FRY: variants seen among roughly 807,000 people sequenced by gnomAD.
FRY encodes protein furry homolog.
Under a neutral mutation model 348.4 loss-of-function variants are expected in FRY, and 128 were observed. The observed-to-expected ratio is 0.37, with a 90% CI of 0.32 to 0.43. FRY has a LOEUF of 0.43. Ranked by LOEUF, FRY falls within the 20% of genes least tolerant of loss-of-function variation. The probability of loss-of-function intolerance (pLI) is 1.00; values close to 1 mark genes in which losing one functional copy is unlikely to be tolerated. For synonymous variants in FRY, 1,370 were observed against 1,374.7 expected (o/e 1.00, Z 0.08); for missense variants, 2,736 against 3,695.2 (o/e 0.74, Z 6.73).
At chr13:32,289,888 T>A (rs897190197) in intron 59 of FRY, 145 bp downstream of exon 59, 21 of 685,820 alleles carry the variant, frequency 3.1e-5, no homozygotes, top group Non-Finnish European at 5.4e-5. Flanking sequence ...AATAAACATG[T>A]CTTGTATGTA....
intron 10 of FRY, 149 bp downstream of exon 10, chr13:32,135,332 C>A: frequency 3.0e-6 from 2 of 671,966 alleles, no homozygotes; most frequent in South Asian, 3.3e-5. Flanking sequence ...GAAACTGAAG[C>A]TGGCTTTTTG....
intron 1 of FRY, among the ~76,000 whole-genome samples, chr13:32,059,458 CAAAAA>C (rs10692049): frequency 9.0e-6 from 1 of 111,422 alleles, no homozygotes; most frequent in African/African-American, 3.2e-5. Flanking sequence ...ACTTAGGAAG[CAAAAA>C]AAAAAAAAAA....
At chr13:32,223,769 C>T (rs1885437873) in intron 36 of FRY, among the ~76,000 whole-genome samples, 4 of 152,076 alleles carry the variant, frequency 2.6e-5, no homozygotes, top group Admixed American at 2.6e-4. Context: ...CACTCTGTCG[C>T]CCAGACTGGA....
intron 5 of FRY, 96 bp from the exon 6 acceptor site, chr13:32,124,506 G>A (rs915893354): frequency 3.5e-6 from 3 of 849,026 alleles, no homozygotes; most frequent in Admixed American, 3.9e-5. Flanking sequence ...TATGTTTATT[G>A]ATTGCTATTG....
At chr13:32,174,963 A>G (rs1392382302) in intron 19 of FRY, among the ~76,000 whole-genome samples, 1 of 152,154 alleles carries the variant, frequency 6.6e-6, no homozygotes, top group East Asian at 1.9e-4. Flanking sequence ...AAATGAATCC[A>G]TTCATTTATG....
intron 39 of FRY, among the ~76,000 whole-genome samples, chr13:32,228,187 T>A (rs1885700263): frequency 6.6e-6 from 1 of 152,184 alleles, no homozygotes; most frequent in Admixed American, 6.5e-5. Flanking sequence ...CTTCCTTTTA[T>A]AGAAAGTATC....
chr13:32,061,028 C>G, intron 1 of FRY: 2 of 504,758 alleles, frequency 4.0e-6, no homozygotes, highest in Non-Finnish European at 8.2e-6. Context: ...TGGAGCCCAT[C>G]ATTATGTGTT....
At chr13:32,134,039 A>G (rs772320650) in intron 8 of FRY, among the ~76,000 whole-genome samples, 4 of 152,138 alleles carry the variant, frequency 2.6e-5, no homozygotes, top group Non-Finnish European at 5.9e-5. Flanking sequence ...TTGGCCTCCC[A>G]AAGTGTCAGG....
At chr13:32,234,787 C>CATCCTTCACGAGCTCA in intron 42 of FRY, 26 bp downstream of exon 42, 2 of 1,581,186 alleles carry the variant, frequency 1.3e-6, no homozygotes, top group Non-Finnish European at 1.7e-6. Flanking sequence ...CCACTGAGCT[C>CATCCTTCACGAGCTCA]GTGAAGGATG....
chr13:32,131,935 T>A, intron 8 of FRY, 95 bp downstream of exon 8: 1 of 941,060 alleles, frequency 1.1e-6, no homozygotes. Context: ...CAATTACTTG[T>A]CAATACGGAG....
At chr13:32,243,288 T>A (rs1472388431) in intron 46 of FRY, among the ~76,000 whole-genome samples, 1 of 152,060 alleles carries the variant, frequency 6.6e-6, no homozygotes, top group Admixed American at 6.5e-5. Flanking sequence ...CAGTTTGCTG[T>A]TAACTTATAT....
In FRY at chr13:32,252,004, T is replaced by C. The variant is rs1887108641; in HGVS notation, c.7245+52T>C. The C allele has an allele frequency of 7.4e-6, 9 of 1,213,056 alleles. No individual in the cohort carries two copies. In the Admixed American group the frequency reaches 1.0e-4, roughly 14 times the overall value. The allele number at this position is 1,213,056 out of a possible 1,614,324, so 75.1% of individuals were successfully genotyped here. ...TTTTGGTGTCATATCTCCTTTTTCA[T>C]TGGTCTGTTTTTGCCTTTGGTCATA... On this transcript the variant is annotated intron_variant, in intron 50 of 60. Coordinates refer to ENST00000542859, the MANE Select transcript of FRY (RefSeq NM_023037.3).
Position 32,212,355 on chromosome 13 carries a change from A to T in FRY, c.4655A>T (p.Asn1552Ile), listed in dbSNP as rs1362185843. 1 of 1,606,512 alleles carries T rather than the reference A, an allele frequency of 6.2e-7. No individual in the cohort carries two copies. The highest frequency in any genetic ancestry group is 2.2e-5 in the East Asian group (1 of 44,690). Residue 1552 changes from asparagine (N) to isoleucine (I), a missense_variant, in exon 35 of 61, where the codon AAC becomes ATC. Physicochemically the swap from Asn to Ile is moderately radical, Grantham distance 149 (BLOSUM62 -3). Around this residue, in one of 9 missense-constraint regions of FRY, gnomAD observed 794 missense variants for 977.0 expected, o/e 0.81. Transcript: ENST00000542859. ...GQENFPDAEE[N>I]KILKESDERF... ...GAAAATTTCCCAGATGCTGAGGAGA[A>T]CAAGATATTGAAAGAATCTGATGAA...
At chr13:32,274,507 A>G (rs4942389) in intron 55 of FRY, among the ~76,000 whole-genome samples, 35,141 of 151,746 alleles carry the variant, frequency 0.23, 4,948 homozygotes, top group Non-Finnish European at 0.32. Context: ...GATCGAGACC[A>G]TCCTGGCTAA....
At chr13:32,039,137 C>G (rs937781802) in intron 1 of FRY, among the ~76,000 whole-genome samples, 1 of 152,160 alleles carries the variant, frequency 6.6e-6, no homozygotes, top group Non-Finnish European at 1.5e-5. Context: ...TTTGTACTTT[C>G]ACTACATCAG....
chr13:32,278,608 G>T, intron 58 of FRY, 60 bp downstream of exon 58: 1 of 929,788 alleles, frequency 1.1e-6, no homozygotes, highest in Non-Finnish European at 1.8e-6. Flanking sequence ...ATTAGTTTTG[G>T]TCTACCCAAG....
rs1166238002 is a variant in FRY, at chr13:32,134,957, G to A, written c.939G>A (p.Leu313=). 21 of 1,613,278 alleles carry A rather than the reference G, an allele frequency of 1.3e-5. No homozygotes were observed. Among genetic ancestry groups the A allele is most frequent in the Non-Finnish European group, 1.7e-5 (20 of 1,179,360 alleles). Residue 313 remains leucine, a synonymous_variant, in exon 9 of 61, where the codon TTG becomes TTA. Transcript: ENST00000542859. The part of the protein sequence containing the change: ...EVKDKDIKHA[L]AGLFVEILVP... ...AAGACAAAGATATCAAGCATGCCTT[G>A]GCTGGGCTTTTTGTTGAAATACTTG...
At position 32,071,453 on chromosome 13, in the gene FRY, G is replaced by A. The variant is rs192065851; in HGVS notation, c.71-7381G>A. Among the ~76,000 whole-genome samples the A allele has an allele frequency of 1.4e-3, 215 of 152,192 alleles. 2 individuals are homozygous for A. Among genetic ancestry groups the A allele is most frequent in the African/African-American group, 4.9e-3 (204 of 41,536 alleles). On this transcript the variant is annotated intron_variant, in intron 1 of 60. Coordinates refer to ENST00000542859, the MANE Select transcript of FRY (RefSeq NM_023037.3). ...CATCCCTTGTAAGTTGGATTCCTAG[G>A]TATTTTATTCTCTTTGTAGCAATTG...
At chr13:32,053,124 A>T (rs1400100441) in intron 1 of FRY, among the ~76,000 whole-genome samples, 1 of 152,166 alleles carries the variant, frequency 6.6e-6, no homozygotes, top group Non-Finnish European at 1.5e-5. Flanking sequence ...AAAAAAAAAA[A>T]ATTAAGTTCC....
Sources: allele counts gnomAD v4.1 joint callset (sites outside exome capture counted in the v4.1 genomes callset), GRCh38; gene constraint gnomAD v4.1.1; regional missense constraint gnomAD v4.1.1; transcripts MANE v1.5; gene names NCBI Gene and HGNC (gene_info 2026-07-23, HGNC 2026-07-21).